The following NCLN variants were observed in gnomAD, a reference collection of about 807,000 sequenced individuals.
NCLN encodes nicalin.
A neutral mutation model predicts 69.5 loss-of-function variants in NCLN; 34 were observed. The observed-to-expected ratio is 0.49, with a 90% CI of 0.37 to 0.65. The LOEUF (loss-of-function observed/expected upper bound fraction) is 0.65, where lower values mean the gene tolerates loss of function less well. Ranked by LOEUF, NCLN falls within the 30% of genes least tolerant of loss-of-function variation. The pLI is 0.00. For synonymous variants in NCLN, 393 were observed against 358.3 expected (o/e 1.10, Z -1.09); for missense variants, 710 against 804.8 (o/e 0.88, Z 1.42).
intron 4 of NCLN, among the ~76,000 whole-genome samples, chr19:3,197,912 T>C (rs1916010678): frequency 6.6e-6 from 1 of 152,110 alleles, no homozygotes. Context: ...TGAGCCACCG[T>C]GCCGGGCTGT....
intron 1 of NCLN, among the ~76,000 whole-genome samples, chr19:3,191,216 C>T (rs955698940): frequency 6.6e-6 from 1 of 152,012 alleles, no homozygotes; most frequent in East Asian, 1.9e-4. Context: ...TGAGCTGCGT[C>T]TTGTTGGGTG....
chr19:3,188,100 G>A (rs1311506625), intron 1 of NCLN, among the ~76,000 whole-genome samples: 1 of 152,060 alleles, frequency 6.6e-6, no homozygotes, highest in Non-Finnish European at 1.5e-5. Flanking sequence ...AGGGCAGTCT[G>A]CACCCCAAAG....
rs1916321024 is a variant in NCLN at position 3,207,957 on chromosome 19, C to T, written c.*269C>T. 2 of 486,522 alleles carry T rather than the reference C, an allele frequency of 4.1e-6. No individual in the cohort carries two copies. Among genetic ancestry groups the T allele is most frequent in the African/African-American group, 1.9e-5 (1 of 51,398 alleles). 30.1% of individuals were successfully genotyped at this position (486,522 alleles called of 1,614,324 possible). A position where few individuals can be genotyped will look rare whatever the true frequency, so the allele number is the denominator to read the frequency against. On this transcript the variant is annotated 3_prime_UTR_variant, in exon 15 of 15. Transcript: ENST00000246117. ...GCCAGGCTACGGACTTGCGGACGAGCCCCCCAGTCCTGGGAGCCGGCCGCC... is the reference window on the plus strand; with the variant it reads ...GCCAGGCTACGGACTTGCGGACGAGTCCCCCAGTCCTGGGAGCCGGCCGCC...
chr19:3,194,744 C>CTTTTTTTTTTTTTTTTTTTTTTT (rs745406038), intron 3 of NCLN, among the ~76,000 whole-genome samples: 1 of 136,490 alleles, frequency 7.3e-6, no homozygotes. Context: ...GAGTCGTCTT[C>CTTTTTTTTTTTTTTTTTTTTTTT]TTTTTTTTTT....
At chr19:3,204,546 C>G (rs774910365) in intron 8 of NCLN, 27 bp from the exon 9 acceptor site, 2 of 1,508,996 alleles carry the variant, frequency 1.3e-6, no homozygotes, top group Non-Finnish European at 1.8e-6. Flanking sequence ...CCCGCCTGCC[C>G]TCTGCTAATG....
Position 3,206,002 on chromosome 19 carries a change from A to G in NCLN, c.1272A>G (p.Arg424=). The G allele has an allele frequency of 6.2e-7, 1 of 1,613,580 alleles. No homozygotes were observed. The highest frequency in any genetic ancestry group is 8.5e-7 in the Non-Finnish European group (1 of 1,179,980). The part of the protein sequence containing the change: ...NTRIIAEALT[R]VIYNLTEKGT... ...GGATCATTGCAGAGGCCCTGACTCGAGTCATCTACAACCTGACAGAGAAGG... is the reference window on the plus strand; with the variant it reads ...GGATCATTGCAGAGGCCCTGACTCGGGTCATCTACAACCTGACAGAGAAGG... Residue 424 remains arginine (R), a synonymous_variant, in exon 10 of 15, where the codon CGA becomes CGG. Transcript: ENST00000246117.
At position 3,206,026 on chromosome 19, in the gene NCLN, G is replaced by A; in HGVS notation, c.1296G>A (p.Lys432=). ...LTRVIYNLTE[K]GTPPDMPVFT... is the part of the protein sequence containing the mutation. ...GAGTCATCTACAACCTGACAGAGAA[G>A]GTGAGCCCTGAGCCCTCTGTGCCGC... Residue 432 remains lysine, a splice_region_variant and synonymous_variant, in exon 10 of 15, where the codon AAG becomes AAA. Coordinates refer to ENST00000246117, the MANE Select transcript of NCLN (RefSeq NM_020170.4). The A allele has an allele frequency of 6.2e-7, 1 of 1,612,744 alleles. No homozygotes were observed. Among genetic ancestry groups the A allele is most frequent in the Middle Eastern group, 1.8e-4 (1 of 5,636 alleles).
rs763808268 is a variant in NCLN at position 3,201,589 on chromosome 19, T to C, written c.763T>C (p.Phe255Leu). The C allele has an allele frequency of 1.3e-6, 2 of 1,562,056 alleles. No homozygotes were observed. The highest frequency in any genetic ancestry group is 2.3e-5 in the South Asian group (2 of 85,872). Residue 255 changes from phenylalanine to leucine, a missense_variant, in exon 6 of 15, where the codon TTC becomes CTC. Phe to Leu is a conservative substitution (Grantham distance 22, BLOSUM62 0). Coordinates refer to ENST00000246117, the MANE Select transcript of NCLN (RefSeq NM_020170.4). ...TGTGCTGCTGGAGCTGGCACGCCTC[T>C]TCTCCCGGCTCTACACCTACAAGCG... The part of the protein sequence containing the change: ...VSVLLELARL[F>L]SRLYTYKRTH...
At chr19:3,190,763 C>G (rs1184833785) in intron 1 of NCLN, among the ~76,000 whole-genome samples, 3 of 152,196 alleles carry the variant, frequency 2.0e-5, no homozygotes, top group Admixed American at 6.5e-5. Flanking sequence ...GGCCTGTACC[C>G]GGCCCCCCTG....
At chr19:3,189,798 C>T (rs1466294997) in intron 1 of NCLN, among the ~76,000 whole-genome samples, 3 of 152,168 alleles carry the variant, frequency 2.0e-5, no homozygotes, top group Non-Finnish European at 4.4e-5. Context: ...GGGCCTTGGC[C>T]ACAGAGAGCC....
chr19:3,205,776 A>G lies in NCLN; in HGVS notation c.1209-163A>G, dbSNP rs1316626016. The G allele has an allele frequency of 2.9e-6, 2 of 680,432 alleles. No homozygotes were observed. Among genetic ancestry groups the G allele is most frequent in the Non-Finnish European group, 5.0e-6 (2 of 403,022 alleles). The allele number at this position is 680,432 out of a possible 1,614,324, so 42.1% of individuals were successfully genotyped here. A position where few individuals can be genotyped will look rare whatever the true frequency, so the allele number is the denominator to read the frequency against. On this transcript the variant is annotated intron_variant, in intron 9 of 14. Coordinates refer to ENST00000246117, the MANE Select transcript of NCLN (RefSeq NM_020170.4). This position sits in a 1 kb window ranked among gnomAD's most constrained non-coding sequence, Gnocchi z 4.6. ...GGTGTGGGGCCCCCAGTGAATCTGCATCTACATGTTAGCCAAGTAGTTAAA... is the reference window on the plus strand; with the variant it reads ...GGTGTGGGGCCCCCAGTGAATCTGCGTCTACATGTTAGCCAAGTAGTTAAA...
chr19:3,204,085 G>C lies in NCLN; in HGVS notation c.970G>C (p.Val324Leu). 2.6e-6 allele frequency: 4 copies of C among 1,545,896 alleles called. No homozygotes were observed. The South Asian group carries it at 4.9e-5, about 19-fold the overall frequency. The stretch of plus-strand genomic sequence containing the variant: ...CCGGGGCAGCAGCCTGCACCTGCAC[G>C]TGTCCAAGCCGCCTCGGGAGGGCAC... ...VGRGSSLHLH[V>L]SKPPREGTLQ... Residue 324 changes from valine (V) to leucine (L), a missense_variant, in exon 8 of 15, where the codon GTG (valine) becomes CTG (leucine). Physicochemically the swap from Val to Leu is conservative, Grantham distance 32 (BLOSUM62 1). Coordinates refer to ENST00000246117, the MANE Select transcript of NCLN (RefSeq NM_020170.4).
chr19:3,194,091 C>T (rs1915899187), intron 3 of NCLN, among the ~76,000 whole-genome samples: 1 of 152,210 alleles, frequency 6.6e-6, no homozygotes, highest in Admixed American at 6.5e-5. Context: ...TGTCCTGGCC[C>T]AGCCCCAACA....
At chr19:3,199,908 G>C (rs1049147456) in intron 5 of NCLN, among the ~76,000 whole-genome samples, 1 of 151,814 alleles carries the variant, frequency 6.6e-6, no homozygotes, top group African/African-American at 2.4e-5. Context: ...CACCACGTTA[G>C]CCAGGATGGT....
intron 4 of NCLN, among the ~76,000 whole-genome samples, chr19:3,196,739 C>T (rs1360702327): frequency 2.6e-5 from 4 of 152,330 alleles, no homozygotes; most frequent in Non-Finnish European, 2.9e-5. Context: ...GCTGCCGGTG[C>T]GGAAGTAGCC....
At chr19:3,196,840 A>G (rs1357114548) in intron 4 of NCLN, among the ~76,000 whole-genome samples, 1 of 152,174 alleles carries the variant, frequency 6.6e-6, no homozygotes, top group Admixed American at 6.5e-5. Context: ...GGAAGCACCC[A>G]CCGACTCCTC....
intron 8 of NCLN, 37 bp from the exon 9 acceptor site, chr19:3,204,536 C>T (rs544636848): frequency 6.7e-7 from 1 of 1,491,344 alleles, no homozygotes; most frequent in East Asian, 2.5e-5. Context: ...GGCCGCCATC[C>T]CCGCCTGCCC....
rs552309078 is a variant in NCLN, at chr19:3,207,652, C to T, written c.1656C>T (p.Thr552=). The change falls in exon 15 of 15, where the codon ACC becomes ACT. Residue 552 remains threonine (T), a synonymous_variant. Transcript: ENST00000246117. ...AVQHFSLLYK[T]VQRLLVKAKT... The stretch of plus-strand genomic sequence containing the variant: ...AGCACTTCAGCCTCCTCTACAAGAC[C>T]GTCCAGAGGCTGCTCGTGAAGGCCA... 99 of 1,612,962 alleles carry T rather than the reference C, an allele frequency of 6.1e-5. No homozygotes were observed. The highest frequency in any genetic ancestry group is 2.7e-4 in the South Asian group (25 of 91,090).
intron 5 of NCLN, among the ~76,000 whole-genome samples, chr19:3,201,094 G>A (rs556768094): frequency 4.6e-5 from 7 of 152,338 alleles, no homozygotes; most frequent in South Asian, 4.1e-4. Flanking sequence ...CTCCACAGCC[G>A]GGGCTCGAGG....
Sources: gnomAD v4.1 joint callset for allele counts (sites outside exome capture counted in the v4.1 genomes callset) on GRCh38, gnomAD v4.1.1 for gene constraint, Gnocchi (gnomAD v3.1) non-coding constraint, MANE v1.5 for transcripts, NCBI Gene and HGNC (gene_info 2026-07-23, HGNC 2026-07-21) for gene names.